The following WFDC8 variants were observed in gnomAD, a reference collection of about 807,000 sequenced individuals.
The protein encoded by WFDC8 is WAP four-disulfide core domain protein 8.
Under a neutral mutation model 27.0 loss-of-function variants are expected in WFDC8, and 24 were observed. That is an observed-to-expected ratio of 0.89 (90% CI 0.64 to 1.25). WFDC8 has a LOEUF of 1.25. Ranked by LOEUF, WFDC8 falls within the 50% of genes most tolerant of loss-of-function variation. The pLI, the probability that WFDC8 is intolerant of heterozygous loss-of-function variation, is 0.00. For missense variants in WFDC8, 287 were observed against 295.9 expected, an observed-to-expected ratio of 0.97 and a Z score of 0.22; for synonymous variants, 106 against 99.7, an observed-to-expected ratio of 1.06 and a Z score of -0.38.
intron 3 of WFDC8, 83 bp from the exon 4 acceptor site, chr20:45,555,951 C>T (rs1227531666): frequency 1.4e-6 from 2 of 1,410,296 alleles, no homozygotes; most frequent in Admixed American, 3.9e-5. Context: ...TCTCATAACT[C>T]CTGGTGTTAT....
At chr20:45,557,681 C>T (rs953283860) in intron 3 of WFDC8, among the ~76,000 whole-genome samples, 2 of 152,202 alleles carry the variant, frequency 1.3e-5, no homozygotes, top group South Asian at 4.1e-4. Context: ...GATCCACCCG[C>T]CTTGGCCTCC....
At chr20:45,555,608 G>T in intron 4 of WFDC8, 93 bp downstream of exon 4, 1 of 1,451,304 alleles carries the variant, frequency 6.9e-7, no homozygotes, top group Non-Finnish European at 9.5e-7. Flanking sequence ...CTTGAACCAA[G>T]GAACTTTAAC....
At position 45,551,928 on chromosome 20, in the gene WFDC8, A is replaced by G. The variant is rs1162903285; in HGVS notation, c.*98T>C. ...AACATCATTCAATATTGTGATACTT[A>G]AGATAATTTGGCAAGTTGGATACAA... is the stretch of plus-strand genomic sequence containing the variant. On this transcript the variant is annotated 3_prime_UTR_variant, in exon 6 of 6. Coordinates refer to ENST00000289953, the MANE Select transcript of WFDC8 (RefSeq NM_130896.3). 4.4e-6 allele frequency: 6 copies of G among 1,365,520 alleles called. No homozygotes were observed. The highest frequency in any genetic ancestry group is 4.1e-6 in the Non-Finnish European group (4 of 986,396). The allele number at this position is 1,365,520 out of a possible 1,614,324, so 84.6% of individuals were successfully genotyped here. A position where few individuals can be genotyped will look rare whatever the true frequency, so the allele number is the denominator to read the frequency against.
chr20:45,570,977 A>G (rs936738877), intron 1 of WFDC8, among the ~76,000 whole-genome samples: 5 of 152,034 alleles, frequency 3.3e-5, no homozygotes, highest in Admixed American at 6.6e-5. Context: ...GATTTTTCGT[A>G]TTTTCCAACT....
intron 3 of WFDC8, among the ~76,000 whole-genome samples, chr20:45,556,291 T>C (rs1224933589): frequency 1.3e-5 from 2 of 152,278 alleles, no homozygotes; most frequent in African/African-American, 4.8e-5. Context: ...TTAATGCACA[T>C]TTCTTGCTTC....
rs146419448 is a variant in WFDC8 at position 45,563,383 on chromosome 20, G to A, written c.27-1164C>T. 3.3e-3 allele frequency among the ~76,000 whole-genome samples: 497 copies of A among 152,278 alleles called. 3 individuals are homozygous for A. The highest frequency in any genetic ancestry group is 0.011 in the African/African-American group (470 of 41,558). ...GCATGAAGATTTAATGAAGTGGTAC[G>A]GAGTGGTAGGAAACGTAGCATTCAG... On this transcript the variant is annotated intron_variant, in intron 1 of 5. Coordinates refer to ENST00000289953, the MANE Select transcript of WFDC8 (RefSeq NM_130896.3).
chr20:45,558,783 G>A (rs377220642), intron 3 of WFDC8, 69 bp downstream of exon 3: 1 of 1,590,216 alleles, frequency 6.3e-7, no homozygotes, highest in African/African-American at 1.3e-5. Flanking sequence ...CCATCCAAGG[G>A]AATCCCTCAG....
intron 1 of WFDC8, among the ~76,000 whole-genome samples, chr20:45,572,586 C>CTTATTTAT (rs370060643): frequency 2.6e-5 from 4 of 151,830 alleles, no homozygotes; most frequent in African/African-American, 9.7e-5. Context: ...ATTTGAATGC[C>CTTATTTAT]TTATTTATTT....
chr20:45,573,477 T>C (rs1980940097), intron 1 of WFDC8, among the ~76,000 whole-genome samples: 1 of 152,160 alleles, frequency 6.6e-6, no homozygotes, highest in Non-Finnish European at 1.5e-5. Context: ...CTTCTGAGTC[T>C]CCAAAGTCCA....
intron 1 of WFDC8, among the ~76,000 whole-genome samples, chr20:45,567,722 A>T (rs1600896252): frequency 6.6e-6 from 1 of 152,378 alleles, no homozygotes; most frequent in East Asian, 1.9e-4. Context: ...TCAAAAACGT[A>T]AAAGCACAGG....
rs188770237 is a variant in WFDC8, at chr20:45,577,400, G to T, written c.26+1822C>A. On this transcript the variant is annotated intron_variant, in intron 1 of 5. Coordinates refer to ENST00000289953, the MANE Select transcript of WFDC8 (RefSeq NM_130896.3). ...GAAACAATAATATATATTACATAAG[G>T]TGTCTTTTTTTTTTTTTGAGATGGA... Among the ~76,000 whole-genome samples, 501 of 150,340 alleles carry T rather than the reference G, an allele frequency of 3.3e-3. 10 individuals carry two copies. Among genetic ancestry groups the T allele is most frequent in the African/African-American group, 0.012 (474 of 41,188 alleles).
At chr20:45,570,608 C>T (rs371541345) in intron 1 of WFDC8, among the ~76,000 whole-genome samples, 4 of 152,024 alleles carry the variant, frequency 2.6e-5, no homozygotes, top group African/African-American at 7.3e-5. Context: ...ATGAATGAAG[C>T]CCATACAAAC....
intron 3 of WFDC8, among the ~76,000 whole-genome samples, chr20:45,556,848 A>G (rs2868304): frequency 0.41 from 61,646 of 152,056 alleles, 12,876 homozygotes; most frequent in Admixed American, 0.5. Flanking sequence ...ACGACAACCA[A>G]TGATGACCAG....
intron 3 of WFDC8, among the ~76,000 whole-genome samples, chr20:45,556,655 T>C (rs1318784387): frequency 2.0e-5 from 3 of 152,112 alleles, no homozygotes; most frequent in Non-Finnish European, 2.9e-5. Context: ...CGTCAACCAT[T>C]CTATGGTCAT....
intron 4 of WFDC8, among the ~76,000 whole-genome samples, chr20:45,554,885 G>C (rs913020216): frequency 1.3e-5 from 2 of 152,206 alleles, no homozygotes; most frequent in Non-Finnish European, 2.9e-5. Context: ...AAGTGGTAGT[G>C]ATGGTACATT....
chr20:45,565,525 A>T (rs183512315), intron 1 of WFDC8, among the ~76,000 whole-genome samples: 59 of 151,912 alleles, frequency 3.9e-4, no homozygotes, highest in East Asian at 2.7e-3. Context: ...ATTTTTTTTT[A>T]AAAAAAGCAT....
intron 2 of WFDC8, among the ~76,000 whole-genome samples, chr20:45,560,852 C>A (rs1980440466): frequency 6.6e-6 from 1 of 152,312 alleles, no homozygotes; most frequent in East Asian, 1.9e-4. Flanking sequence ...ACATCAAAAT[C>A]ATCTATGCAT....
chr20:45,576,551 C>T (rs1353784514), intron 1 of WFDC8, among the ~76,000 whole-genome samples: 2 of 151,274 alleles, frequency 1.3e-5, no homozygotes, highest in Non-Finnish European at 3.0e-5. Context: ...AGGCATGTGC[C>T]ACCACACCTG....
chr20:45,554,095 C>T (rs981208031), intron 4 of WFDC8, among the ~76,000 whole-genome samples: 1 of 152,134 alleles, frequency 6.6e-6, no homozygotes, highest in Non-Finnish European at 1.5e-5. Flanking sequence ...GGAATACCTC[C>T]TCAAGTGATC....
Sources: gnomAD v4.1 joint callset for allele counts (sites outside exome capture counted in the v4.1 genomes callset) on GRCh38, gnomAD v4.1.1 for gene constraint, MANE v1.5 for transcripts, NCBI Gene and HGNC (gene_info 2026-07-23, HGNC 2026-07-21) for gene names.